SGCD: variants seen among roughly 807,000 people sequenced by gnomAD.
SGCD encodes sarcoglycan delta.
A neutral mutation model predicts 36.6 loss-of-function variants in SGCD; 18 were observed. The observed-to-expected ratio is 0.49, with a 90% confidence interval of 0.34 to 0.73. The LOEUF (loss-of-function observed/expected upper bound fraction) is 0.73, where lower values mean the gene tolerates loss of function less well. Among genes scored for constraint, SGCD ranks in the 30% least tolerant of loss-of-function variants. SGCD has a pLI of 0.01. For synonymous variants in SGCD, 133 were observed against 130.6 expected, an observed-to-expected ratio of 1.02 and a Z score of -0.12; for missense variants, 387 against 346.7, an observed-to-expected ratio of 1.12 and a Z score of -0.92.
chr5:156,273,262 A>G (rs1333986285), intron 3 of SGCD, among the ~76,000 whole-genome samples: 3 of 152,202 alleles, frequency 2.0e-5, no homozygotes, highest in Non-Finnish European at 4.4e-5. Context: ...AGCAAATACG[A>G]AATAATTGCT....
At position 156,533,241 on chromosome 5, in the gene SGCD, G is replaced by C. The variant is rs186421324; in HGVS notation, c.294+24539G>C. Among the ~76,000 whole-genome samples the C allele has an allele frequency of 3.1e-3, 465 of 152,078 alleles. 4 individuals carry two copies. Among genetic ancestry groups the C allele is most frequent in the African/African-American group, 9.6e-3 (399 of 41,474 alleles). ...CTTCACGTAGTCACAGTTTCCTATG[G>C]AGTCCATTTTTTCTCCACTCAAACT... On this transcript the variant is annotated intron_variant, in intron 4 of 8. Coordinates refer to ENST00000337851, the MANE Select transcript of SGCD (RefSeq NM_000337.6).
At chr5:155,752,188 A>G in the SGCD span, among the ~76,000 whole-genome samples, 2 of 152,070 alleles carry the variant, frequency 1.3e-5, no homozygotes, top group Non-Finnish European at 2.9e-5. Context: ...CCCACTTCCC[A>G]TTGCCTTGTT....
In SGCD at chr5:156,049,306, G is replaced by A. The variant is rs1451958368; in HGVS notation, c.-281-68572G>A. On this transcript the variant is annotated intron_variant, in intron 1 of 9. Transcript: ENST00000517913. Reference sequence around the variant, plus strand: ...TGGCTTAGGATTGACTTGGTGATGCGGGCTCTTTTTTGGTTCCATATGAAC... The same window carrying A: ...TGGCTTAGGATTGACTTGGTGATGCAGGCTCTTTTTTGGTTCCATATGAAC... Among the ~76,000 whole-genome samples, 16 of 145,584 alleles carry A rather than the reference G, an allele frequency of 1.1e-4. 2 individuals are homozygous for A. Among genetic ancestry groups the A allele is most frequent in the African/African-American group, 3.2e-4 (13 of 40,518 alleles).
chr5:156,040,185 T>G (rs1759600830), intron 1 of SGCD, among the ~76,000 whole-genome samples: 1 of 152,210 alleles, frequency 6.6e-6, no homozygotes, highest in Non-Finnish European at 1.5e-5. Context: ...CTTCACCCCT[T>G]GCATATTCCT....
At chr5:155,925,774 C>T (rs572781969) in intron 1 of SGCD, among the ~76,000 whole-genome samples, 1 of 152,248 alleles carries the variant, frequency 6.6e-6, no homozygotes, top group Non-Finnish European at 1.5e-5. Flanking sequence ...CACCACCTTA[C>T]CCAGCTAATT....
intron 3 of SGCD, among the ~76,000 whole-genome samples, chr5:156,289,294 T>C (rs1373720527): frequency 1.4e-4 from 16 of 117,118 alleles, no homozygotes; most frequent in Admixed American, 1.1e-3. Context: ...TTATTTTTAC[T>C]TTATTTTTAT....
chr5:155,873,462 CAGATAAATAA>C (rs1755702430), intron 1 of SGCD, among the ~76,000 whole-genome samples: 1 of 152,014 alleles, frequency 6.6e-6, no homozygotes, highest in South Asian at 2.1e-4. Context: ...TTATAAATGT[CAGATAAATAA>C]TGTGTACACA....
At chr5:156,176,560 A>T (rs187621683) in intron 3 of SGCD, among the ~76,000 whole-genome samples, 21 of 152,200 alleles carry the variant, frequency 1.4e-4, no homozygotes, top group Admixed American at 4.6e-4. Flanking sequence ...TTTTAAAGAA[A>T]ATGGTGTGTG....
intron 3 of SGCD, among the ~76,000 whole-genome samples, chr5:156,172,507 G>A (rs1033695149): frequency 6.6e-6 from 1 of 151,440 alleles, no homozygotes; most frequent in African/African-American, 2.5e-5. Context: ...AAAATTAGGA[G>A]ATTGAGTTTG....
intron 6 of SGCD, among the ~76,000 whole-genome samples, chr5:156,639,945 C>G (rs187517146): frequency 1.1e-4 from 17 of 151,956 alleles, no homozygotes; most frequent in African/African-American, 3.9e-4. Context: ...TTACATTACT[C>G]TAACCATTGC....
intron 3 of SGCD, among the ~76,000 whole-genome samples, chr5:156,125,666 A>T (rs1220399332): frequency 6.6e-6 from 1 of 151,802 alleles, no homozygotes; most frequent in Admixed American, 6.6e-5. Flanking sequence ...CAGTATAAAT[A>T]CTTAGTAGGA....
intron 3 of SGCD, among the ~76,000 whole-genome samples, chr5:156,377,269 TTAATG>T (rs1432381911): frequency 1.3e-5 from 2 of 152,156 alleles, no homozygotes; most frequent in Non-Finnish European, 2.9e-5. Flanking sequence ...AGGGAGTAAT[TTAATG>T]ATGCTTAATA....
chr5:156,447,054 A>C (rs1753782024), intron 3 of SGCD, among the ~76,000 whole-genome samples: 1 of 152,182 alleles, frequency 6.6e-6, no homozygotes, highest in African/African-American at 2.4e-5. Context: ...GATGTTAAAC[A>C]GATCTAGACA....
intron 3 of SGCD, among the ~76,000 whole-genome samples, chr5:156,299,541 G>A (rs1030990481): frequency 3.3e-5 from 5 of 151,892 alleles, no homozygotes; most frequent in South Asian, 2.1e-4. Flanking sequence ...ACATTTTAAC[G>A]ATATTGATTG....
At chr5:156,376,505 A>G (rs1770678268) in intron 3 of SGCD, among the ~76,000 whole-genome samples, 1 of 152,216 alleles carries the variant, frequency 6.6e-6, no homozygotes, top group South Asian at 2.1e-4. Flanking sequence ...TTACAAGTTT[A>G]ACTTTGATAT....
intron 7 of SGCD, among the ~76,000 whole-genome samples, chr5:156,653,817 T>C (rs961295996): frequency 1.3e-5 from 2 of 152,092 alleles, no homozygotes; most frequent in Non-Finnish European, 2.9e-5. Flanking sequence ...ACTGGGCCAG[T>C]CTTACTTGGC....
chr5:156,286,274 C>G (rs895116595), intron 3 of SGCD, among the ~76,000 whole-genome samples: 3 of 152,174 alleles, frequency 2.0e-5, no homozygotes, highest in Admixed American at 6.5e-5. Flanking sequence ...GGCGATTCCT[C>G]AGGGATCTAG....
At chr5:156,519,162 T>C (rs1393280841) in intron 4 of SGCD, among the ~76,000 whole-genome samples, 1 of 151,894 alleles carries the variant, frequency 6.6e-6, no homozygotes, top group Non-Finnish European at 1.5e-5. Flanking sequence ...TTATCACTGA[T>C]CCCACAGAAA....
At chr5:156,509,940 G>C (rs1019756123) in intron 4 of SGCD, among the ~76,000 whole-genome samples, 4 of 152,262 alleles carry the variant, frequency 2.6e-5, no homozygotes, top group Non-Finnish European at 4.4e-5. Context: ...CTTCACCTGT[G>C]AGCAAGGCAT....
Sources: gnomAD v4.1 joint callset for allele counts (sites outside exome capture counted in the v4.1 genomes callset) on GRCh38, gnomAD v4.1.1 for gene constraint, MANE v1.5 for transcripts, NCBI Gene and HGNC (gene_info 2026-07-23, HGNC 2026-07-21) for gene names.